Variants in ZSCAN1 observed in about 807,000 individuals in gnomAD.
ZSCAN1 encodes zinc finger and SCAN domain-containing protein 1.
A neutral mutation model predicts 23.8 loss-of-function variants in ZSCAN1; 23 were observed. That is an observed-to-expected ratio of 0.97 (90% CI 0.70 to 1.37). The LOEUF (loss-of-function observed/expected upper bound fraction) is 1.37, where lower values mean the gene tolerates loss of function less well. Among genes scored for constraint, ZSCAN1 ranks in the 40% most tolerant of loss-of-function variants. The pLI, the probability that ZSCAN1 is intolerant of heterozygous loss-of-function variation, is 0.00. For synonymous variants in ZSCAN1, 236 were observed against 232.3 expected, an observed-to-expected ratio of 1.02 and a Z score of -0.15; for missense variants, 575 against 554.0, an observed-to-expected ratio of 1.04 and a Z score of -0.38.
intron 3 of ZSCAN1, among the ~76,000 whole-genome samples, chr19:58,039,396 C>A (rs529442302): frequency 5.6e-4 from 85 of 152,198 alleles, no homozygotes; most frequent in Non-Finnish European, 1.1e-3. Flanking sequence ...TCTTCCATAG[C>A]GGTGGTCTGC....
intron 4 of ZSCAN1, among the ~76,000 whole-genome samples, chr19:58,050,651 G>A (rs780243093): frequency 6.6e-6 from 1 of 151,854 alleles, no homozygotes; most frequent in Non-Finnish European, 1.5e-5. Context: ...CTCCCGAGTA[G>A]CTGGGACTAC....
downstream of ZSCAN1, among the ~76,000 whole-genome samples, chr19:58,055,440 GT>G (rs1433306347): frequency 7.2e-5 from 11 of 152,298 alleles, no homozygotes; most frequent in African/African-American, 2.6e-4. Context: ...TTTCCCTGCA[GT>G]CCCCACTGGG....
chr19:58,056,441 T>C (rs1413233427), downstream of ZSCAN1, among the ~76,000 whole-genome samples: 1 of 152,172 alleles, frequency 6.6e-6, no homozygotes, highest in Non-Finnish European at 1.5e-5. Context: ...GATGAGTGAC[T>C]CAATGAGTGA....
downstream of ZSCAN1, among the ~76,000 whole-genome samples, chr19:58,054,792 GCA>G (rs1461347364): frequency 2.6e-5 from 4 of 152,130 alleles, no homozygotes; most frequent in Non-Finnish European, 5.9e-5. The surrounding 1 kb of genome is among the most constrained non-coding windows in gnomAD (Gnocchi z 4.2). Flanking sequence ...GATTTCAGGC[GCA>G]GTCTTTAGGC....
Position 58,037,721 on chromosome 19 carries a change from TC to T in ZSCAN1, c.-109-6del. 1 of 1,320,500 alleles carries T rather than the reference TC, an allele frequency of 7.6e-7. No homozygotes were observed. Among genetic ancestry groups the T allele is most frequent in the Non-Finnish European group, 1.0e-6 (1 of 998,622 alleles). The allele number at this position is 1,320,500 out of a possible 1,614,324, so 81.8% of individuals were successfully genotyped here. On this transcript the variant is annotated splice_polypyrimidine_tract_variant and splice_region_variant and intron_variant, in intron 2 of 5. Coordinates refer to ENST00000282326, the MANE Select transcript of ZSCAN1 (RefSeq NM_182572.4). ...TGTGACCCCTCTGTCCCTGCCCCTC[TC>T]TGCAGGCCCCTGATTGCTGATTCTG...
At chr19:58,044,026 T>G (rs2123429341) in intron 4 of ZSCAN1, among the ~76,000 whole-genome samples, 1 of 151,908 alleles carries the variant, frequency 6.6e-6, no homozygotes, top group African/African-American at 2.4e-5. Flanking sequence ...ATCCCAGCAC[T>G]TTGGGAGGCC....
rs760687457 is a variant in ZSCAN1 at position 58,037,911 on chromosome 19, C to T, written c.75C>T (p.Asp25=). Residue 25 remains aspartate (D), a synonymous_variant, in exon 3 of 6, where the codon GAC becomes GAT. Transcript: ENST00000282326. ...QTPTPSEQDA[D]PGPASPRDTE... Reference sequence around the variant, plus strand: ...CAACCCCGAGTGAGCAGGACGCAGACCCTGGGCCAGCAAGCCCCAGGGACA... The same window carrying T: ...CAACCCCGAGTGAGCAGGACGCAGATCCTGGGCCAGCAAGCCCCAGGGACA... The T allele has an allele frequency of 6.3e-7, 1 of 1,597,184 alleles. No individual in the cohort carries two copies. The highest frequency in any genetic ancestry group is 8.5e-7 in the Non-Finnish European group (1 of 1,176,810).
rs1175785251 is a variant in ZSCAN1 at position 58,047,800 on chromosome 19, G to A, written c.466-4690G>A. The stretch of plus-strand genomic sequence containing the variant: ...CACAGGGCATCCCCTGGGGCTTCAA[G>A]GGCAACACCCGCAGTGCTTAGGGTT... On this transcript the variant is annotated intron_variant, in intron 4 of 5. Coordinates refer to ENST00000282326, the MANE Select transcript of ZSCAN1 (RefSeq NM_182572.4). This position sits in a 1 kb window ranked among gnomAD's most constrained non-coding sequence, Gnocchi z 4.9. 6.6e-6 allele frequency among the ~76,000 whole-genome samples: 1 copy of A among 152,212 alleles called. No homozygotes were observed. Among genetic ancestry groups the A allele is most frequent in the East Asian group, 1.9e-4 (1 of 5,186 alleles).
Position 58,053,452 on chromosome 19 carries a change from A to C in ZSCAN1, c.628A>C (p.Lys210Gln), listed in dbSNP as rs2073871301. 1 of 1,611,576 alleles carries C rather than the reference A, an allele frequency of 6.2e-7. No individual in the cohort carries two copies. Among genetic ancestry groups the C allele is most frequent in the African/African-American group, 1.3e-5 (1 of 74,868 alleles). The change falls in exon 6 of 6, where the codon AAG (lysine) becomes CAG (glutamine). Residue 210 changes from lysine (K) to glutamine (Q), a missense_variant. Physicochemically the swap from Lys to Gln is moderately conservative, Grantham distance 53. Transcript: ENST00000282326. This position sits in a 1 kb window ranked among gnomAD's most constrained non-coding sequence, Gnocchi z 5.8. ...AGGGTCCCGGGCCCGCTTGCCTCTG[A>C]AGCCGAGTATCTGGGACGAGCCTGA... ...LLGSRARLPL[K>Q]PSIWDEPEDL...
At chr19:58,038,513 G>A (rs914956247) in intron 3 of ZSCAN1, 11 of 556,924 alleles carry the variant, frequency 2.0e-5, no homozygotes, top group Non-Finnish European at 2.8e-5. Flanking sequence ...ACGCTGCCTC[G>A]CCACTTCCTC....
At chr19:58,042,692 C>G (rs898178119) in intron 4 of ZSCAN1, among the ~76,000 whole-genome samples, 1 of 152,190 alleles carries the variant, frequency 6.6e-6, no homozygotes, top group Non-Finnish European at 1.5e-5. Context: ...CAGCCGCTGC[C>G]GGCAGATGTG....
At chr19:58,043,044 G>T (rs1045586240) in intron 4 of ZSCAN1, among the ~76,000 whole-genome samples, 3 of 152,260 alleles carry the variant, frequency 2.0e-5, no homozygotes, top group African/African-American at 7.2e-5. Flanking sequence ...GCGGCCCCAG[G>T]CATTGCCGCT....
Position 58,036,515 on chromosome 19 carries a change from C to CTTT in ZSCAN1, c.-110+520_-110+522dup, listed in dbSNP as rs66483587. Among the ~76,000 whole-genome samples, 5 of 93,418 alleles carry CTTT rather than the reference C, an allele frequency of 5.4e-5. No homozygotes were observed. In the East Asian group the frequency reaches 9.8e-4, roughly 18 times the overall value. 61.3% of individuals were successfully genotyped at this position (93,418 alleles called of 152,430 possible). ...AAAGGTAACTTCTTTTTTTTCTTTT[C>CTTT]TTTTTTTTTTTTTTTTTTGAGACAG... On this transcript the variant is annotated intron_variant, in intron 2 of 5. Coordinates refer to ENST00000282326, the MANE Select transcript of ZSCAN1 (RefSeq NM_182572.4).
In ZSCAN1 at chr19:58,046,395, G is replaced by C. The variant is rs115227953; in HGVS notation, c.465+5851G>C. On this transcript the variant is annotated intron_variant, in intron 4 of 5. Coordinates refer to ENST00000282326, the MANE Select transcript of ZSCAN1 (RefSeq NM_182572.4). ...AAGCCAGCAAGAGATTGACAAAAAG[G>C]GTGCAGCAGATAATCGGGCAGATCA... 530 of 890,774 alleles carry C rather than the reference G, an allele frequency of 5.9e-4. No individual in the cohort carries two copies. In the African/African-American group the frequency reaches 7.5e-3, roughly 13 times the overall value. 55.2% of individuals were successfully genotyped at this position (890,774 alleles called of 1,614,324 possible).
At chr19:58,046,528 G>T (rs547057405) in intron 4 of ZSCAN1, 3 of 917,462 alleles carry the variant, frequency 3.3e-6, no homozygotes, top group Non-Finnish European at 5.5e-6. Context: ...GCTCATCAAC[G>T]CCATGAAGCA....
intron 3 of ZSCAN1, 89 bp downstream of exon 3, chr19:58,038,295 TC>T (rs200852215): frequency 0.011 from 17,150 of 1,503,424 alleles, 143 homozygotes; most frequent in Non-Finnish European, 0.013. Context: ...CCCACATCGC[TC>T]CCACCCCTGC....
intron 4 of ZSCAN1, chr19:58,046,913 T>C (rs1016505104): frequency 5.8e-6 from 3 of 516,678 alleles, no homozygotes; most frequent in African/African-American, 5.8e-5. Context: ...AAACTGTAAT[T>C]TTCATCATTC....
chr19:58,035,063 G>C (rs912384876), intron 1 of ZSCAN1, among the ~76,000 whole-genome samples: 7 of 151,896 alleles, frequency 4.6e-5, no homozygotes, highest in African/African-American at 1.7e-4. Context: ...GGTGAACCTG[G>C]CCCTTCCACA....
At chr19:58,042,263 CTTT>C (rs1011122770) in intron 4 of ZSCAN1, among the ~76,000 whole-genome samples, 4 of 140,216 alleles carry the variant, frequency 2.9e-5, no homozygotes, top group African/African-American at 5.2e-5. Flanking sequence ...TTCTACTTTA[CTTT>C]TTTTTTTTTT....
Sources: allele counts gnomAD v4.1 joint callset (sites outside exome capture counted in the v4.1 genomes callset), GRCh38; gene constraint gnomAD v4.1.1; non-coding constraint Gnocchi (gnomAD v3.1); transcripts MANE v1.5; gene names NCBI Gene and HGNC (gene_info 2026-07-23, HGNC 2026-07-21).